Variants in TRPM5 observed in about 807,000 individuals in gnomAD.
TRPM5 encodes the protein MLSN1 and TRP-related.
In TRPM5, 121 loss-of-function variants were observed where a neutral mutation model predicts 124.9. The ratio of observed to expected loss-of-function variants is 0.97; its 90% CI spans 0.84 to 1.13. The LOEUF is 1.13. TRPM5 is among the 50% of genes most tolerant of loss of function. TRPM5 has a pLI of 0.00. For synonymous variants in TRPM5, 781 were observed against 700.5 expected, an observed-to-expected ratio of 1.11 and a Z score of -1.81; for missense variants, 1,643 against 1,589.1, an observed-to-expected ratio of 1.03 and a Z score of -0.58.
chr11:2,418,445 G>T, intron 5 of TRPM5, 82 bp downstream of exon 10: 1 of 1,495,980 alleles, frequency 6.7e-7, no homozygotes, highest in South Asian at 1.2e-5. Flanking sequence ...CATCCCTTCA[G>T]CCCTGTCCCA....
intron 12 of TRPM5, 42 bp downstream of exon 17, chr11:2,414,019 C>A (rs1461489112): frequency 2.6e-6 from 4 of 1,519,792 alleles, no homozygotes; most frequent in South Asian, 1.2e-5. Flanking sequence ...GCCCGCCCAC[C>A]CCACCCCCTG....
chr11:2,420,990 C>G, intron 3 of TRPM5, 42 bp downstream of exon 8: 18 of 1,508,002 alleles, frequency 1.2e-5, no homozygotes, highest in Non-Finnish European at 1.6e-5. Flanking sequence ...GCCCCTGCCT[C>G]CAGGCCCCCA....
At chr11:2,418,331 C>T (rs771001438) in exon 6 of TRPM5, 1 of 1,562,396 alleles carries the variant, frequency 6.4e-7, no homozygotes, top group Admixed American at 1.9e-5. Context: ...AGCCACGGGG[C>T]AGCCTGCTCC....
In TRPM5 at chr11:2,415,909, C is replaced by T. The variant is rs771979955; in HGVS notation, c.1125G>A (p.Trp375Ter). Reference sequence around the variant, plus strand: ...GGTAGGCAGGGCTGGGAGGCACCTTCCACTCCACGTCCCCATTGAAGATCT... The same window carrying T: ...GGTAGGCAGGGCTGGGAGGCACCTTTCACTCCACGTCCCCATTGAAGATCT... The change falls in exon 8 of 24, where the codon TGG (tryptophan) becomes TGA (stop). Residue 375 changes from tryptophan (W) to a stop codon, truncating the protein, a stop_gained. Transcript: ENST00000155858. LOFTEE classifies it high-confidence loss of function. The T allele has an allele frequency of 3.8e-6, 6 of 1,571,766 alleles. No individual in the cohort carries two copies. In the African/African-American group the frequency reaches 8.1e-5, roughly 21 times the overall value.
intron 7 of TRPM5, 55 bp downstream of exon 12, chr11:2,417,672 T>C: frequency 6.9e-7 from 1 of 1,443,700 alleles, no homozygotes; most frequent in Admixed American, 2.0e-5. Context: ...CCAAAGCGGC[T>C]CTGAGCATGA....
upstream of TRPM5, among the ~76,000 whole-genome samples, chr11:2,426,574 G>A (rs138907662): frequency 3.3e-4 from 50 of 152,220 alleles, no homozygotes; most frequent in East Asian, 9.5e-3. Context: ...GGCTCCCAGG[G>A]CAGCGGGGCA....
intron 18 of TRPM5, among the ~76,000 whole-genome samples, chr11:2,410,047 G>A (rs546856594): frequency 1.5e-4 from 23 of 152,330 alleles, no homozygotes; most frequent in East Asian, 1.4e-3. Context: ...CTCCTGCCCC[G>A]AGGGGCCCTG....
At chr11:2,410,550 C>T (rs1850424277) in intron 18 of TRPM5, 4 of 310,968 alleles carry the variant, frequency 1.3e-5, no homozygotes, top group Non-Finnish European at 2.6e-5. Flanking sequence ...GGTTGGGGCT[C>T]CTCACTGAGT....
Position 2,413,233 on chromosome 11 carries a change from G to T in TRPM5, c.2004-7C>A. 6.5e-7 allele frequency: 1 copy of T among 1,539,960 alleles called. No homozygotes were observed. Among genetic ancestry groups the T allele is most frequent in the Non-Finnish European group, 8.7e-7 (1 of 1,143,390 alleles). On this transcript the variant is annotated splice_region_variant and splice_polypyrimidine_tract_variant and intron_variant, in intron 13 of 23. Coordinates refer to ENST00000155858, the Ensembl canonical transcript of TRPM5. ...CCTCAGGGGAGCTTCCTCACTGCGAGCACAGGAGAGCTCAGGGCCCGCAGG... is the reference window on the plus strand; with the variant it reads ...CCTCAGGGGAGCTTCCTCACTGCGATCACAGGAGAGCTCAGGGCCCGCAGG...
chr11:2,411,379 C>G, exon 18 of TRPM5: 2 of 1,608,868 alleles, frequency 1.2e-6, no homozygotes, highest in Non-Finnish European at 1.7e-6. Context: ...GGGATCTGGC[C>G]GAAGATCTGC....
chr11:2,414,283 T>C lies in TRPM5; in HGVS notation c.1745-77A>G, dbSNP rs2133517885. ...CCCCCGACGCCCCTCCTCCATCCCC[T>C]GCCCAGACCTGGGCTCTGCAGCCGC... is the stretch of plus-strand genomic sequence containing the variant. On this transcript the variant is annotated intron_variant, in intron 11 of 23. Transcript: ENST00000155858. 9 of 1,514,358 alleles carry C rather than the reference T, an allele frequency of 5.9e-6. No individual in the cohort carries two copies. The South Asian group carries it at 7.6e-5, about 13-fold the overall frequency. 93.8% of individuals were successfully genotyped at this position (1,514,358 alleles called of 1,614,324 possible).
chr11:2,422,005 G>A, intron 2 of TRPM5, 136 bp downstream of exon 7: 1 of 796,332 alleles, frequency 1.3e-6, no homozygotes, highest in South Asian at 1.9e-5. Context: ...CATTGCCTGT[G>A]CCGGGTGGGG....
chr11:2,437,987 C>T, the TRPM5 span, among the ~76,000 whole-genome samples: 1 of 152,156 alleles, frequency 6.6e-6, no homozygotes, highest in African/African-American at 2.4e-5. This position sits in a 1 kb window ranked among gnomAD's most constrained non-coding sequence, Gnocchi z 5.6. Flanking sequence ...AAAATTAATT[C>T]ACCACAGTCA....
At position 2,411,632 on chromosome 11, in the gene TRPM5, C is replaced by T. The variant is rs1440812762; in HGVS notation, c.2607+3G>A. On this transcript the variant is annotated splice_donor_region_variant and intron_variant, in intron 17 of 23. Transcript: ENST00000155858. ...GCCAGGGCCAGGGCCCCCGGGGGCT[C>T]ACCATGCGCTCTACCACGATGATCT... The T allele has an allele frequency of 2.5e-6, 4 of 1,611,594 alleles. No homozygotes were observed. The highest frequency in any genetic ancestry group is 3.3e-5 in the Admixed American group (2 of 59,952).
intron 18 of TRPM5, among the ~76,000 whole-genome samples, chr11:2,410,482 G>A (rs1424251946): frequency 6.6e-6 from 1 of 152,054 alleles, no homozygotes; most frequent in African/African-American, 2.4e-5. Flanking sequence ...ACCCCTCGAG[G>A]GCCCCAGGGG....
intron 22 of TRPM5, 45 bp downstream of exon 27, chr11:2,405,974 G>A: frequency 6.4e-7 from 1 of 1,561,502 alleles, no homozygotes; most frequent in East Asian, 2.2e-5. Flanking sequence ...GCCCCACGCA[G>A]CCACCCGCCT....
At chr11:2,440,368 G>C in the TRPM5 span, among the ~76,000 whole-genome samples, 1 of 152,176 alleles carries the variant, frequency 6.6e-6, no homozygotes, top group Non-Finnish European at 1.5e-5. The surrounding 1 kb of genome is among the most constrained non-coding windows in gnomAD (Gnocchi z 5.2). Flanking sequence ...TACAGATGTA[G>C]GGCATCATAT....
At chr11:2,409,490 C>T (rs1850399027) in intron 18 of TRPM5, among the ~76,000 whole-genome samples, 1 of 152,226 alleles carries the variant, frequency 6.6e-6, no homozygotes, top group Non-Finnish European at 1.5e-5. Flanking sequence ...AAGCTCGTCA[C>T]CACAGCTCAA....
Position 2,418,486 on chromosome 11 carries a change from C to G in TRPM5, c.714+41G>C. 3.8e-6 allele frequency: 6 copies of G among 1,590,604 alleles called. No homozygotes were observed. The South Asian group carries it at 4.6e-5, about 12-fold the overall frequency. On this transcript the variant is annotated intron_variant, in intron 5 of 23. Transcript: ENST00000155858. ...GCCCAGAACCCACCGCACCCCTCCA[C>G]AAGGCTTCGGCCAGCCAGGGGGCCT...
Sources: gnomAD v4.1 joint callset for allele counts (sites outside exome capture counted in the v4.1 genomes callset) on GRCh38, gnomAD v4.1.1 for gene constraint, Gnocchi (gnomAD v3.1) non-coding constraint, MANE v1.5 for transcripts, NCBI Gene and HGNC (gene_info 2026-07-23, HGNC 2026-07-21) for gene names.